The following NECTIN3 variants were observed in gnomAD, a reference collection of about 807,000 sequenced individuals.
NECTIN3 encodes the protein nectin cell adhesion molecule 3.
In NECTIN3, 8 loss-of-function variants were observed where a neutral mutation model predicts 49.4. The ratio of observed to expected loss-of-function variants is 0.16; its 90% CI spans 0.10 to 0.29. The LOEUF (loss-of-function observed/expected upper bound fraction) is 0.29. Ranked by LOEUF, NECTIN3 falls within the 10% of genes least tolerant of loss-of-function variation. The pLI is 1.00. For synonymous variants in NECTIN3, 277 were observed against 241.1 expected, an observed-to-expected ratio of 1.15 and a Z score of -1.38; for missense variants, 581 against 654.6, an observed-to-expected ratio of 0.89 and a Z score of 1.23.
At chr3:111,083,567 A>C (rs2031754147) in intron 1 of NECTIN3, among the ~76,000 whole-genome samples, 1 of 152,204 alleles carries the variant, frequency 6.6e-6, no homozygotes, top group Admixed American at 6.5e-5. Flanking sequence ...CCCTTGTCTC[A>C]GACTTTCATG....
intron 7 of NECTIN3, among the ~76,000 whole-genome samples, chr3:111,163,109 C>T (rs2035248129): frequency 6.6e-6 from 1 of 152,212 alleles, no homozygotes; most frequent in Admixed American, 6.5e-5. Flanking sequence ...TGCTCACTCA[C>T]TTGTTTGGTT....
intron 7 of NECTIN3, among the ~76,000 whole-genome samples, chr3:111,180,723 T>C (rs1300933529): frequency 1.3e-5 from 2 of 152,180 alleles, no homozygotes; most frequent in African/African-American, 2.4e-5. Context: ...CTCTCTAGAT[T>C]AGGAACTCAG....
chr3:111,156,685 C>A (rs1267219231), intron 7 of NECTIN3, among the ~76,000 whole-genome samples: 1 of 152,146 alleles, frequency 6.6e-6, no homozygotes, highest in Non-Finnish European at 1.5e-5. Flanking sequence ...GCCTTGGCAA[C>A]CTGTCAGATA....
intron 1 of NECTIN3, among the ~76,000 whole-genome samples, chr3:111,092,159 T>G (rs948489698): frequency 6.6e-6 from 1 of 152,214 alleles, no homozygotes; most frequent in African/African-American, 2.4e-5. Flanking sequence ...ATAATTGACC[T>G]GTAAGAGGTT....
chr3:111,113,085 A>G (rs1473613787), intron 2 of NECTIN3, among the ~76,000 whole-genome samples: 1 of 152,208 alleles, frequency 6.6e-6, no homozygotes, highest in Non-Finnish European at 1.5e-5. Context: ...CAGTGTGGGT[A>G]GCTGACAGCG....
intron 1 of NECTIN3, among the ~76,000 whole-genome samples, chr3:111,097,090 T>C (rs1305147934): frequency 6.6e-6 from 1 of 152,196 alleles, no homozygotes; most frequent in Non-Finnish European, 1.5e-5. Flanking sequence ...AGGGAGGCTG[T>C]ACCCTGCAAA....
intron 7 of NECTIN3, among the ~76,000 whole-genome samples, chr3:111,171,708 T>TAA (rs5851758): frequency 0.034 from 4,832 of 142,326 alleles, 86 homozygotes; most frequent in Middle Eastern, 0.062. Context: ...TGGGACCTCA[T>TAA]AAAAAAAAAA....
At position 111,122,137 on chromosome 3, in the gene NECTIN3, G is replaced by C. The variant is rs558761927; in HGVS notation, c.816G>C (p.Ser272=). 1.2e-6 allele frequency: 2 copies of C among 1,610,920 alleles called. No individual in the cohort carries two copies. The highest frequency in any genetic ancestry group is 1.7e-6 in the Non-Finnish European group (2 of 1,177,626). The part of the protein sequence containing the change: ...ILDIQYAPEV[S]VTGYDGNWFV... ...ATTTTATAGATGCTCCTGAAGTTTC[G>C]GTAACAGGATATGATGGAAATTGGT... Residue 272 remains serine, a synonymous_variant, in exon 4 of 6, where the codon TCG becomes TCC. Coordinates refer to ENST00000485303, the MANE Select transcript of NECTIN3 (RefSeq NM_015480.3).
Position 111,133,811 on chromosome 3 carries a change from A to G in NECTIN3, c.1246A>G (p.Ile416Val), listed in dbSNP as rs1472777064. 2 of 1,613,958 alleles carry G rather than the reference A, an allele frequency of 1.2e-6. No individual in the cohort carries two copies. Among genetic ancestry groups the G allele is most frequent in the South Asian group, 1.1e-5 (1 of 91,076 alleles). The change falls in exon 6 of 6, where the codon ATA becomes GTA. Residue 416 changes from isoleucine to valine, a missense_variant. Ile to Val is a conservative substitution (Grantham distance 29). This residue lies in a region of NECTIN3 where 238 missense variants were observed against 244.9 expected (regional missense o/e 0.97). Coordinates refer to ENST00000485303, the MANE Select transcript of NECTIN3 (RefSeq NM_015480.3). The part of the protein sequence containing the change: ...IASVVGGALF[I>V]VLVSVLAGIF... The stretch of plus-strand genomic sequence containing the variant: ...TAGTGTAGTGGGTGGGGCTCTCTTC[A>G]TAGTACTTGTAAGTGTTTTGGCTGG...
chr3:111,075,652 TTACATC>T (rs2107349579), intron 1 of NECTIN3, among the ~76,000 whole-genome samples: 1 of 152,282 alleles, frequency 6.6e-6, no homozygotes, highest in East Asian at 1.9e-4. Context: ...TATTTGTACT[TTACATC>T]TATATATTGA....
intron 7 of NECTIN3, among the ~76,000 whole-genome samples, chr3:111,182,193 A>G (rs868581891): frequency 2.6e-5 from 4 of 152,074 alleles, no homozygotes; most frequent in South Asian, 2.1e-4. Context: ...GTTAGAAAAT[A>G]TATCTGTTTC....
At chr3:111,096,480 TGAG>T (rs2032588260) in intron 1 of NECTIN3, among the ~76,000 whole-genome samples, 1 of 152,168 alleles carries the variant, frequency 6.6e-6, no homozygotes, top group Admixed American at 6.5e-5. Flanking sequence ...GCATAAGTAA[TGAG>T]GAGCCAAATG....
At chr3:111,080,309 G>A (rs575240506) in intron 1 of NECTIN3, among the ~76,000 whole-genome samples, 243 of 152,004 alleles carry the variant, frequency 1.6e-3, no homozygotes, top group African/African-American at 5.4e-3. Context: ...TCTGGGCATT[G>A]ATATATTTTC....
At chr3:111,133,023 CTTT>C in intron 5 of NECTIN3, among the ~76,000 whole-genome samples, 1 of 151,444 alleles carries the variant, frequency 6.6e-6, no homozygotes, top group Non-Finnish European at 1.5e-5. Context: ...AAATTTTGAG[CTTT>C]TTTATTTAAA....
intron 7 of NECTIN3, among the ~76,000 whole-genome samples, chr3:111,149,367 G>A (rs1379736050): frequency 6.6e-6 from 1 of 151,242 alleles, no homozygotes; most frequent in Admixed American, 6.6e-5. Context: ...AAATTCTATT[G>A]AACTCCTGAA....
intron 1 of NECTIN3, among the ~76,000 whole-genome samples, chr3:111,075,908 C>T (rs2031162210): frequency 6.6e-6 from 1 of 152,034 alleles, no homozygotes; most frequent in African/African-American, 2.4e-5. Flanking sequence ...TAATTTGCTT[C>T]TGCTTTAAGT....
intron 7 of NECTIN3, among the ~76,000 whole-genome samples, chr3:111,162,836 A>G (rs1189580399): frequency 6.6e-6 from 1 of 152,148 alleles, no homozygotes; most frequent in Non-Finnish European, 1.5e-5. Flanking sequence ...CCCTTCCAAC[A>G]TCTGCCCGTA....
intron 7 of NECTIN3, among the ~76,000 whole-genome samples, chr3:111,184,170 T>C (rs1378320555): frequency 6.6e-6 from 1 of 152,178 alleles, no homozygotes; most frequent in Non-Finnish European, 1.5e-5. Context: ...TATTTTTTTC[T>C]AGCTCTAAAG....
At chr3:111,181,706 A>G (rs2035629318) in intron 7 of NECTIN3, among the ~76,000 whole-genome samples, 2 of 151,982 alleles carry the variant, frequency 1.3e-5, no homozygotes, top group South Asian at 4.1e-4. Context: ...TTAACCTTTT[A>G]ATTTATATGG....
Sources: allele counts gnomAD v4.1 joint callset (sites outside exome capture counted in the v4.1 genomes callset), GRCh38; gene constraint gnomAD v4.1.1; regional missense constraint gnomAD v4.1.1; transcripts MANE v1.5; gene names NCBI Gene and HGNC (gene_info 2026-07-23, HGNC 2026-07-21).